Variants in GRID1 observed in about 807,000 individuals in gnomAD.
The protein encoded by GRID1 is glutamate receptor ionotropic, delta-1.
Under a neutral mutation model 98.0 loss-of-function variants are expected in GRID1, and 28 were observed. The ratio of observed to expected loss-of-function variants is 0.29; its 90% CI spans 0.21 to 0.39. The LOEUF (loss-of-function observed/expected upper bound fraction) is 0.39. Among genes scored for constraint, GRID1 ranks in the 10% least tolerant of loss-of-function variants. GRID1 has a pLI of 1.00. For synonymous variants in GRID1, 553 were observed against 538.5 expected, an observed-to-expected ratio of 1.03 and a Z score of -0.37; for missense variants, 1,111 against 1,340.5, an observed-to-expected ratio of 0.83 and a Z score of 2.67.
chr10:85,998,388 A>G (rs1489071077), intron 4 of GRID1, among the ~76,000 whole-genome samples: 2 of 152,196 alleles, frequency 1.3e-5, no homozygotes, highest in African/African-American at 4.8e-5. Context: ...TAAATAATCC[A>G]TGGGTGAAAA....
rs182327050 is a variant in GRID1, at chr10:86,364,589, C to T, written c.80-493G>A. Among the ~76,000 whole-genome samples the T allele has an allele frequency of 2.0e-4, 31 of 152,332 alleles. No homozygotes were observed. The East Asian group carries it at 6.0e-3, about 29-fold the overall frequency. On this transcript the variant is annotated intron_variant, in intron 1 of 15. Coordinates refer to ENST00000327946, the MANE Select transcript of GRID1 (RefSeq NM_017551.3). ...ACGTCCCCTGCTGAGTGGAGCTGAG[C>T]GAAGCAGGTCTACAGTTGGCTTTCC... is the stretch of plus-strand genomic sequence containing the variant.
In GRID1 at chr10:85,843,684, A is replaced by G. The variant is rs373434667; in HGVS notation, c.1233+10812T>C. Among the ~76,000 whole-genome samples the G allele has an allele frequency of 2.6e-5, 4 of 152,200 alleles. No individual in the cohort carries two copies. The East Asian group carries it at 7.7e-4, about 29-fold the overall frequency. ...CCAGATGGCAAATAGGCAAACATGC[A>G]CATAAAAAACATTCAACACCACTGA... On this transcript the variant is annotated intron_variant, in intron 8 of 15. Coordinates refer to ENST00000327946, the MANE Select transcript of GRID1 (RefSeq NM_017551.3).
intron 4 of GRID1, among the ~76,000 whole-genome samples, chr10:86,130,115 T>A (rs911875332): frequency 2.0e-5 from 3 of 152,354 alleles, no homozygotes; most frequent in African/African-American, 7.2e-5. Flanking sequence ...CCAGCTGAGA[T>A]CCAGTGAATC....
chr10:85,897,559 T>C (rs1027237175), intron 5 of GRID1, among the ~76,000 whole-genome samples: 11 of 152,198 alleles, frequency 7.2e-5, no homozygotes, highest in African/African-American at 2.7e-4. Context: ...CCAAAGTGGC[T>C]TGGAGTTAAT....
At chr10:85,878,563 C>G (rs1010836468) in intron 5 of GRID1, among the ~76,000 whole-genome samples, 3 of 152,052 alleles carry the variant, frequency 2.0e-5, no homozygotes, top group African/African-American at 7.2e-5. Context: ...TACAGACAAG[C>G]AAATGCTGAG....
intron 8 of GRID1, among the ~76,000 whole-genome samples, chr10:85,814,375 TTAAG>T (rs1310990403): frequency 7.3e-5 from 11 of 150,244 alleles, no homozygotes; most frequent in African/African-American, 2.8e-4. Context: ...AGTTTCTAAC[TTAAG>T]TAATTAGAGA....
intron 5 of GRID1, among the ~76,000 whole-genome samples, chr10:85,905,527 A>G (rs998412250): frequency 6.6e-6 from 1 of 152,138 alleles, no homozygotes; most frequent in Non-Finnish European, 1.5e-5. Flanking sequence ...AAGATAACTG[A>G]CTGTTTTAAT....
intron 4 of GRID1, among the ~76,000 whole-genome samples, chr10:86,005,921 C>T (rs1422684558): frequency 6.6e-6 from 1 of 152,142 alleles, no homozygotes; most frequent in Non-Finnish European, 1.5e-5. Context: ...GACATAAATT[C>T]TTCCCATACT....
At chr10:85,943,777 C>G (rs1399059371) in intron 4 of GRID1, among the ~76,000 whole-genome samples, 1 of 152,080 alleles carries the variant, frequency 6.6e-6, no homozygotes, top group African/African-American at 2.4e-5. Flanking sequence ...ATTGCAAAAG[C>G]AATGCAGAGA....
chr10:86,038,923 C>T (rs1843307963), intron 4 of GRID1, among the ~76,000 whole-genome samples: 1 of 152,172 alleles, frequency 6.6e-6, no homozygotes, highest in Non-Finnish European at 1.5e-5. Context: ...AAGCCCTAGT[C>T]CAAGCCAACG....
intron 4 of GRID1, among the ~76,000 whole-genome samples, chr10:85,995,645 T>C (rs1842731374): frequency 6.6e-6 from 1 of 152,128 alleles, no homozygotes; most frequent in Non-Finnish European, 1.5e-5. Context: ...AAACAAGAAT[T>C]CAAAGAATAC....
intron 3 of GRID1, among the ~76,000 whole-genome samples, chr10:86,205,357 G>T (rs974291410): frequency 6.6e-6 from 1 of 152,212 alleles, no homozygotes; most frequent in Non-Finnish European, 1.5e-5. Context: ...TATGGAGGTG[G>T]CTGTGGCTAT....
At chr10:85,972,158 CT>C (rs397846947) in intron 4 of GRID1, among the ~76,000 whole-genome samples, 256 of 143,604 alleles carry the variant, frequency 1.8e-3, no homozygotes, top group Non-Finnish European at 1.6e-3. Flanking sequence ...GACCATTTTT[CT>C]TTTTTTTTTT....
Position 85,647,225 on chromosome 10 carries a change from T to G in GRID1, c.2170A>C (p.Ser724Arg), listed in dbSNP as rs756542952. The change falls in exon 13 of 16, where the codon AGT (serine) becomes CGT (arginine). Residue 724 changes from serine to arginine, a missense_variant. By Grantham distance (110) the Ser-to-Arg change is moderately radical. Coordinates refer to ENST00000327946, the MANE Select transcript of GRID1 (RefSeq NM_017551.3). ...ACCTTCCTGATGCCTTCTGAAGGAC[T>G]GGACACGCAGTTGTCAGCCCCTCCG... ...KNGGADNCVS[S>R]PSEGIRKAKK... 1 of 1,614,200 alleles carries G rather than the reference T, an allele frequency of 6.2e-7. No individual in the cohort carries two copies. Among genetic ancestry groups the G allele is most frequent in the Non-Finnish European group, 8.5e-7 (1 of 1,180,004 alleles).
chr10:85,689,893 TAGG>T (rs1841313340), intron 12 of GRID1, among the ~76,000 whole-genome samples: 1 of 152,178 alleles, frequency 6.6e-6, no homozygotes, highest in African/African-American at 2.4e-5. Context: ...TTCAGAAATG[TAGG>T]AGTTTAGAAA....
intron 8 of GRID1, among the ~76,000 whole-genome samples, chr10:85,766,687 G>T (rs1212424707): frequency 6.6e-6 from 1 of 151,386 alleles, no homozygotes; most frequent in East Asian, 1.9e-4. Context: ...AGCCAAAAAT[G>T]ACAGGGGAGA....
At chr10:85,773,275 C>G (rs919672754) in intron 8 of GRID1, among the ~76,000 whole-genome samples, 6 of 152,086 alleles carry the variant, frequency 3.9e-5, no homozygotes, top group South Asian at 2.1e-4. Context: ...ATTCAACAAC[C>G]CTTCATGCTA....
chr10:85,807,151 A>AC (rs1389092150), intron 8 of GRID1, among the ~76,000 whole-genome samples: 3 of 152,056 alleles, frequency 2.0e-5, no homozygotes, highest in African/African-American at 7.2e-5. Context: ...GGAGTTTGAG[A>AC]CCAGCCTGGC....
chr10:85,706,085 T>C (rs916962127), intron 12 of GRID1, among the ~76,000 whole-genome samples: 5 of 151,790 alleles, frequency 3.3e-5, no homozygotes, highest in Admixed American at 6.6e-5. Flanking sequence ...CACTCCTATT[T>C]AACATAGTGT....
Sources: gnomAD v4.1 joint callset for allele counts (sites outside exome capture counted in the v4.1 genomes callset) on GRCh38, gnomAD v4.1.1 for gene constraint, MANE v1.5 for transcripts, NCBI Gene and HGNC (gene_info 2026-07-23, HGNC 2026-07-21) for gene names.